The following KIAA1958 variants were observed in gnomAD, a reference collection of about 807,000 sequenced individuals.
The protein encoded by KIAA1958 is KIAA1958, also known as uncharacterized protein KIAA1958.
Under a neutral mutation model 47.2 loss-of-function variants are expected in KIAA1958, and 14 were observed. The ratio of observed to expected loss-of-function variants is 0.30; its 90% CI spans 0.20 to 0.46. KIAA1958 has a LOEUF of 0.46. Among genes scored for constraint, KIAA1958 ranks in the 20% least tolerant of loss-of-function variants. KIAA1958 has a pLI of 1.00. For missense variants in KIAA1958, 803 were observed against 909.2 expected (o/e 0.88, Z 1.50); for synonymous variants, 354 against 353.3 (o/e 1.00, Z -0.02).
rs1402390156 is a variant in KIAA1958 at position 112,667,463 on chromosome 9, C to G, written c.*7394C>G. ...TGGTAGCACATGCCTGTAATTCCAG[C>G]TACTCGGGAGGCTGAGGCGGGAGAA... On this transcript the variant is annotated 3_prime_UTR_variant, in exon 4 of 4. Coordinates refer to ENST00000337530, the MANE Select transcript of KIAA1958 (RefSeq NM_133465.4). 6.6e-6 allele frequency: 1 copy of G among 152,208 alleles called. No individual in the cohort carries two copies. The highest frequency in any genetic ancestry group is 2.4e-5 in the African/African-American group (1 of 41,406). The allele number at this position is 152,208 out of a possible 1,614,324, so 9.4% of individuals were successfully genotyped here. A position where few individuals can be genotyped will look rare whatever the true frequency, so the allele number is the denominator to read the frequency against.
chr9:112,535,781 G>A (rs1455991976), intron 1 of KIAA1958, among the ~76,000 whole-genome samples: 1 of 151,626 alleles, frequency 6.6e-6, no homozygotes, highest in Admixed American at 6.6e-5. Flanking sequence ...TTTTTTAACA[G>A]GCATGAGATA....
chr9:112,622,805 A>G (rs987459954), intron 2 of KIAA1958, among the ~76,000 whole-genome samples: 1 of 152,186 alleles, frequency 6.6e-6, no homozygotes, highest in Admixed American at 6.5e-5. Flanking sequence ...TGCAGATGCC[A>G]TGAAATCAAT....
rs761336625 is a variant in KIAA1958, at chr9:112,660,020, C to T, written c.2102C>T (p.Ser701Leu). The T allele has an allele frequency of 3.1e-6, 5 of 1,614,100 alleles. No individual in the cohort carries two copies. Among genetic ancestry groups the T allele is most frequent in the African/African-American group, 1.3e-5 (1 of 75,062 alleles). ...AACTGTGAGAACTTCACCTTTGTCT[C>T]GTTCACTCAGGTCTCCCGGAGGCTT... ...LENCENFTFVSFTQVSRRLGS... is the reference protein window; with the variant it reads ...LENCENFTFVLFTQVSRRLGS... Residue 701 changes from serine (S) to leucine (L), a missense_variant, in exon 4 of 4, where the codon TCG (serine) becomes TTG (leucine). Physicochemically the swap from Ser to Leu is moderately radical, Grantham distance 145. Transcript: ENST00000337530.
At chr9:112,644,061 G>A (rs1167437787) in intron 2 of KIAA1958, among the ~76,000 whole-genome samples, 6 of 151,942 alleles carry the variant, frequency 3.9e-5, no homozygotes, top group Middle Eastern at 6.8e-3. Context: ...ACCAGGAGTC[G>A]CAGCTACTTG....
intron 2 of KIAA1958, among the ~76,000 whole-genome samples, chr9:112,592,136 CAGGTGATCGGAATGAGGGTGGAGT>C (rs956568609): frequency 6.6e-6 from 1 of 152,108 alleles, no homozygotes; most frequent in East Asian, 1.9e-4. Flanking sequence ...TAGGGTGGAG[CAGGTGATCGGAATGAGGGTGGAGT>C]AGGTAATCGA....
At chr9:112,622,011 G>A (rs1836517786) in intron 2 of KIAA1958, among the ~76,000 whole-genome samples, 2 of 152,238 alleles carry the variant, frequency 1.3e-5, no homozygotes, top group South Asian at 2.1e-4. Flanking sequence ...CAAAGTGCTG[G>A]CGTTATCTCT....
intron 2 of KIAA1958, among the ~76,000 whole-genome samples, chr9:112,633,087 G>T (rs933955010): frequency 6.6e-6 from 1 of 151,628 alleles, no homozygotes; most frequent in Non-Finnish European, 1.5e-5. Flanking sequence ...CCCTCACTTG[G>T]CATACTTGCA....
At chr9:112,556,509 A>AT (rs1389947434) in intron 1 of KIAA1958, among the ~76,000 whole-genome samples, 2 of 152,122 alleles carry the variant, frequency 1.3e-5, no homozygotes, top group African/African-American at 2.4e-5. Context: ...AAAAATTATA[A>AT]TTTTTTGTAG....
chr9:112,517,639 A>C (rs999424505), intron 1 of KIAA1958, among the ~76,000 whole-genome samples: 55 of 152,330 alleles, frequency 3.6e-4, no homozygotes, highest in African/African-American at 1.1e-3. Flanking sequence ...AGATACTATT[A>C]AGAGAATAAA....
chr9:112,526,231 A>G (rs1393314802), intron 1 of KIAA1958, among the ~76,000 whole-genome samples: 2 of 135,934 alleles, frequency 1.5e-5, no homozygotes, highest in African/African-American at 5.6e-5. Context: ...TTGTGCTGCT[A>G]TAACAGAATA....
At chr9:112,624,101 A>G (rs1836560573) in intron 2 of KIAA1958, among the ~76,000 whole-genome samples, 1 of 152,216 alleles carries the variant, frequency 6.6e-6, no homozygotes, top group Admixed American at 6.5e-5. Flanking sequence ...CTAGGGAGGA[A>G]AGTCAAGGGG....
Position 112,630,394 on chromosome 9 carries a change from C to T in KIAA1958, c.1172-15256C>T, listed in dbSNP as rs142398276. 3.3e-4 allele frequency among the ~76,000 whole-genome samples: 50 copies of T among 152,250 alleles called. 1 individual carries two copies. In the East Asian group the frequency reaches 9.1e-3, roughly 28 times the overall value. ...GCACAGTGGCAAATGCCTGTAATTC[C>T]AGCACTTTGGAAGGCCAAGGCAGGA... is the stretch of plus-strand genomic sequence containing the variant. On this transcript the variant is annotated intron_variant, in intron 2 of 3. Transcript: ENST00000337530.
intron 2 of KIAA1958, among the ~76,000 whole-genome samples, chr9:112,627,007 A>G (rs933799920): frequency 6.6e-6 from 1 of 152,164 alleles, no homozygotes; most frequent in Non-Finnish European, 1.5e-5. Flanking sequence ...ACTGTGTTAA[A>G]AGGCTGTGCC....
intron 2 of KIAA1958, among the ~76,000 whole-genome samples, chr9:112,620,390 TG>T (rs940250732): frequency 1.3e-5 from 2 of 152,230 alleles, no homozygotes; most frequent in African/African-American, 2.4e-5. Flanking sequence ...GGTGGTATTT[TG>T]TACATTAATT....
At chr9:112,493,821 C>T (rs1293398972) in intron 1 of KIAA1958, among the ~76,000 whole-genome samples, 1 of 151,754 alleles carries the variant, frequency 6.6e-6, no homozygotes, top group African/African-American at 2.4e-5. Context: ...ATTTTTTTTC[C>T]CCTCAACTAT....
intron 2 of KIAA1958, among the ~76,000 whole-genome samples, chr9:112,628,075 G>T (rs959303742): frequency 2.0e-5 from 3 of 152,148 alleles, no homozygotes; most frequent in Non-Finnish European, 2.9e-5. Context: ...TAAAATGAGT[G>T]GGGGGAAGCT....
At chr9:112,523,384 A>G (rs1834585957) in intron 1 of KIAA1958, among the ~76,000 whole-genome samples, 1 of 152,140 alleles carries the variant, frequency 6.6e-6, no homozygotes, top group South Asian at 2.1e-4. Context: ...CTGGGAGGTC[A>G]AGGCTGCAGT....
At chr9:112,622,216 A>G (rs1037684784) in intron 2 of KIAA1958, among the ~76,000 whole-genome samples, 2 of 152,374 alleles carry the variant, frequency 1.3e-5, no homozygotes, top group Admixed American at 6.5e-5. Flanking sequence ...TCAACAGTCC[A>G]GGAGATGTTC....
chr9:112,489,704 T>G (rs924421330), intron 1 of KIAA1958, among the ~76,000 whole-genome samples: 4 of 152,206 alleles, frequency 2.6e-5, no homozygotes, highest in African/African-American at 7.2e-5. Flanking sequence ...AAAATTTGAA[T>G]TTGTGTAAAA....
Sources: allele counts gnomAD v4.1 joint callset (sites outside exome capture counted in the v4.1 genomes callset), GRCh38; gene constraint gnomAD v4.1.1; transcripts MANE v1.5; gene names NCBI Gene and HGNC (gene_info 2026-07-23, HGNC 2026-07-21).